Variants in ATP8A2 observed in about 807,000 individuals in gnomAD.
ATP8A2 encodes ATPase phospholipid transporting 8A2, also known as phospholipid-transporting ATPase IB.
ATP8A2 carries 100 observed loss-of-function variants against 165.6 expected under a neutral mutation model. That is an observed-to-expected ratio of 0.60 (90% CI 0.51 to 0.71). ATP8A2 has a LOEUF of 0.71. Among genes scored for constraint, ATP8A2 ranks in the 30% least tolerant of loss-of-function variants. The pLI is 0.00. For missense variants in ATP8A2, 1,227 were observed against 1,479.5 expected (o/e 0.83, Z 2.80); for synonymous variants, 543 against 548.8 (o/e 0.99, Z 0.15).
chr13:25,539,411 C>T (rs1271732272), intron 7 of ATP8A2, among the ~76,000 whole-genome samples: 2 of 135,868 alleles, frequency 1.5e-5, no homozygotes, highest in Non-Finnish European at 3.4e-5. Flanking sequence ...CAGTGCCCAG[C>T]CAGTTTTTTT....
chr13:25,859,598 G>C (rs1952283822), intron 30 of ATP8A2, among the ~76,000 whole-genome samples: 1 of 151,900 alleles, frequency 6.6e-6, no homozygotes, highest in African/African-American at 2.4e-5. Context: ...GAAAACTGAG[G>C]CTTAAAATCC....
chr13:25,770,450 C>T (rs908247272), intron 26 of ATP8A2, among the ~76,000 whole-genome samples: 2 of 152,150 alleles, frequency 1.3e-5, no homozygotes, highest in African/African-American at 4.8e-5. Context: ...TCTTCCCTGA[C>T]TGATCAGCAT....
At position 25,886,443 on chromosome 13, in the gene ATP8A2, C is replaced by T. The variant is rs112578388; in HGVS notation, c.3183+24035C>T. ...GGGAGGTGTGCCTCTGCTTTATGGA[C>T]AATGCCTGGCAAATGCTGCCCTCCC... is the stretch of plus-strand genomic sequence containing the variant. On this transcript the variant is annotated intron_variant, in intron 33 of 36. Coordinates refer to ENST00000381655, the MANE Select transcript of ATP8A2 (RefSeq NM_016529.6). Among the ~76,000 whole-genome samples, 1,330 of 152,338 alleles carry T rather than the reference C, an allele frequency of 8.7e-3. 10 individuals are homozygous for T. Among genetic ancestry groups the T allele is most frequent in the Non-Finnish European group, 0.015 (988 of 68,030 alleles).
intron 2 of ATP8A2, among the ~76,000 whole-genome samples, chr13:25,528,978 TC>T (rs1364230795): frequency 2.0e-5 from 3 of 151,814 alleles, no homozygotes; most frequent in African/African-American, 4.8e-5. Context: ...CCTCCCCACT[TC>T]CCCCACCCCA....
intron 1 of ATP8A2, among the ~76,000 whole-genome samples, chr13:25,451,918 G>T (rs1487074625): frequency 6.6e-6 from 1 of 151,078 alleles, no homozygotes; most frequent in African/African-American, 2.4e-5. Context: ...GCAGTGGCGT[G>T]ATCTCGGCTC....
chr13:25,613,787 G>A (rs550574936), intron 24 of ATP8A2, among the ~76,000 whole-genome samples: 1 of 152,270 alleles, frequency 6.6e-6, no homozygotes, highest in East Asian at 1.9e-4. Flanking sequence ...AGAGATTGAA[G>A]TTCTTTTGTC....
intron 33 of ATP8A2, among the ~76,000 whole-genome samples, chr13:25,932,610 T>A (rs541250577): frequency 6.6e-6 from 1 of 152,286 alleles, no homozygotes; most frequent in South Asian, 2.1e-4. Context: ...GGAGCCAAAG[T>A]AAGCACACAA....
intron 35 of ATP8A2, among the ~76,000 whole-genome samples, chr13:25,972,655 G>T (rs2083822944): frequency 6.6e-6 from 1 of 152,144 alleles, no homozygotes; most frequent in African/African-American, 2.4e-5. Context: ...TACCCTGCAT[G>T]TCGTTATTTT....
At chr13:25,907,731 A>C (rs1251375399) in intron 33 of ATP8A2, among the ~76,000 whole-genome samples, 2 of 151,420 alleles carry the variant, frequency 1.3e-5, no homozygotes, top group Non-Finnish European at 2.9e-5. Flanking sequence ...CTTTCTTTAC[A>C]CTCCCTCCAC....
intron 24 of ATP8A2, among the ~76,000 whole-genome samples, chr13:25,598,891 A>G (rs1169790058): frequency 5.3e-5 from 8 of 152,094 alleles, no homozygotes; most frequent in Admixed American, 5.2e-4. Context: ...GTGAGTTTAT[A>G]GTTTACTCTA....
intron 24 of ATP8A2, among the ~76,000 whole-genome samples, chr13:25,625,915 A>G (rs181403117): frequency 1.5e-4 from 23 of 152,310 alleles, no homozygotes; most frequent in Middle Eastern, 6.8e-3. Context: ...ACAACTAAGT[A>G]GAATTGCTGA....
At chr13:25,899,963 G>T (rs1470209049) in intron 33 of ATP8A2, among the ~76,000 whole-genome samples, 1 of 152,118 alleles carries the variant, frequency 6.6e-6, no homozygotes, top group Admixed American at 6.5e-5. Flanking sequence ...GAGTCAGGTG[G>T]ACATGAGGCA....
chr13:25,670,994 A>G (rs1566032570), intron 24 of ATP8A2, among the ~76,000 whole-genome samples: 1 of 152,208 alleles, frequency 6.6e-6, no homozygotes, highest in Non-Finnish European at 1.5e-5. Flanking sequence ...CTGGACAGGT[A>G]TAGTGGAGCA....
chr13:25,787,912 A>G (rs554203092), intron 27 of ATP8A2, among the ~76,000 whole-genome samples: 1 of 152,368 alleles, frequency 6.6e-6, no homozygotes, highest in African/African-American at 2.4e-5. Flanking sequence ...AGACGATGGT[A>G]GAAGACGGAG....
At chr13:25,571,796 A>G in intron 18 of ATP8A2, 104 bp downstream of exon 18, 1 of 1,059,262 alleles carries the variant, frequency 9.4e-7, no homozygotes. Flanking sequence ...TTTCTCTTTC[A>G]GTGAAAAATT....
intron 24 of ATP8A2, among the ~76,000 whole-genome samples, chr13:25,633,054 C>G: frequency 6.6e-6 from 1 of 152,162 alleles, no homozygotes; most frequent in East Asian, 1.9e-4. Context: ...GTTTGATTCT[C>G]AAAGTATTGA....
intron 1 of ATP8A2, among the ~76,000 whole-genome samples, chr13:25,426,440 C>T (rs1334043024): frequency 6.6e-6 from 1 of 152,142 alleles, no homozygotes; most frequent in Admixed American, 6.5e-5. Flanking sequence ...TACTTCCCAC[C>T]AGGCTCCACC....
chr13:25,372,227 A>C lies in ATP8A2; in HGVS notation c.15A>C (p.Ala5=), dbSNP rs1408600282. ...ACACGGGCGAGATGCTGAACGGCGCAGGCCTGGACAAAGCTCTTAAGATGT... is the reference window on the plus strand; with the variant it reads ...ACACGGGCGAGATGCTGAACGGCGCCGGCCTGGACAAAGCTCTTAAGATGT... The part of the protein sequence containing the change: MLNG[A]GLDKALKMSL... Residue 5 remains alanine, a synonymous_variant, in exon 1 of 37, where the codon GCA becomes GCC. Coordinates refer to ENST00000381655, the MANE Select transcript of ATP8A2 (RefSeq NM_016529.6). The surrounding 1 kb of genome is among the most constrained non-coding windows in gnomAD (Gnocchi z 4.8). The C allele has an allele frequency of 6.8e-7, 1 of 1,467,288 alleles. No individual in the cohort carries two copies. Among genetic ancestry groups the C allele is most frequent in the Non-Finnish European group, 9.1e-7 (1 of 1,104,510 alleles). The allele number at this position is 1,467,288 out of a possible 1,614,324, so 90.9% of individuals were successfully genotyped here.
intron 25 of ATP8A2, among the ~76,000 whole-genome samples, chr13:25,722,444 C>T (rs2043402248): frequency 6.6e-6 from 1 of 152,318 alleles, no homozygotes; most frequent in Middle Eastern, 3.4e-3. Context: ...ACAGGTACCC[C>T]ATTATTGGCC....
Sources: gnomAD v4.1 joint callset for allele counts (sites outside exome capture counted in the v4.1 genomes callset) on GRCh38, gnomAD v4.1.1 for gene constraint, Gnocchi (gnomAD v3.1) non-coding constraint, MANE v1.5 for transcripts, NCBI Gene and HGNC (gene_info 2026-07-23, HGNC 2026-07-21) for gene names.